The following PKD1L3 variants were observed in gnomAD, a reference collection of about 807,000 sequenced individuals.
The protein encoded by PKD1L3 is polycystin-1-like protein 3.
In PKD1L3, 239 loss-of-function variants were observed where a neutral mutation model predicts 184.1. That is an observed-to-expected ratio of 1.30 (90% CI 1.17 to 1.45). The LOEUF (loss-of-function observed/expected upper bound fraction) is 1.45. Ranked by LOEUF, PKD1L3 falls within the 40% of genes most tolerant of loss-of-function variation. The probability of loss-of-function intolerance (pLI) is 0.00; values close to 1 mark genes in which losing one functional copy is unlikely to be tolerated. For synonymous variants in PKD1L3, 996 were observed against 778.8 expected (o/e 1.28, Z -4.64); for missense variants, 2,660 against 2,067.2 (o/e 1.29, Z -5.56).
chr16:71,986,093 T>C, intron 5 of PKD1L3, 128 bp downstream of exon 5: 1 of 1,255,878 alleles, frequency 8.0e-7, no homozygotes, highest in Non-Finnish European at 1.1e-6. Flanking sequence ...TTAGTTTTTG[T>C]TTTGGATTGG....
At chr16:71,932,201 T>C (rs1272671192) in intron 28 of PKD1L3, among the ~76,000 whole-genome samples, 1 of 152,250 alleles carries the variant, frequency 6.6e-6, no homozygotes, top group Non-Finnish European at 1.5e-5. Flanking sequence ...TCTAGATCAT[T>C]AGAATGATCA....
In PKD1L3 at chr16:71,950,118, C is replaced by T; in HGVS notation, c.3383G>A (p.Arg1128Lys). 1.3e-6 allele frequency: 2 copies of T among 1,551,404 alleles called. No homozygotes were observed. The highest frequency in any genetic ancestry group is 1.7e-6 in the Non-Finnish European group (2 of 1,146,590). The change falls in exon 20 of 30, where the codon AGG becomes AAG. Residue 1128 changes from arginine (R) to lysine (K), a missense_variant and splice_region_variant. By Grantham distance (26) the Arg-to-Lys change is conservative. Coordinates refer to ENST00000620267, the MANE Select transcript of PKD1L3 (RefSeq NM_181536.2). ...AAGAAGGCTTGGTGTGGTGCATTAC[C>T]TGGATGGCTCTTGCTCCGTGGGAAG... ...HILPTEQEPS[R>K]EVTSFAILSS...
At chr16:71,934,188 A>C (rs12149307) in intron 26 of PKD1L3, 63 bp from the exon 27 acceptor site, 350,037 of 1,470,642 alleles carry the variant, frequency 0.24, 45,020 homozygotes, top group Middle Eastern at 0.29. Flanking sequence ...CAGTTTCCCC[A>C]GCGCCCCTGC....
At position 71,990,471 on chromosome 16, in the gene PKD1L3, G is replaced by C; in HGVS notation, c.536-142C>G. Reference sequence around the variant, plus strand: ...ACCAAGGCCGGACATGGTAGCTCATGTCTGTAATCCCAGCACTTTGGGAGG... The same window carrying C: ...ACCAAGGCCGGACATGGTAGCTCATCTCTGTAATCCCAGCACTTTGGGAGG... On this transcript the variant is annotated intron_variant, in intron 3 of 29. Coordinates refer to ENST00000620267, the MANE Select transcript of PKD1L3 (RefSeq NM_181536.2). The C allele has an allele frequency of 2.0e-5, 12 of 612,046 alleles. No individual in the cohort carries two copies. In the South Asian group the frequency reaches 2.3e-4, roughly 12 times the overall value. 37.9% of individuals were successfully genotyped at this position (612,046 alleles called of 1,614,324 possible).
chr16:71,954,680 C>G (rs1000694313), intron 16 of PKD1L3, among the ~76,000 whole-genome samples: 1 of 152,160 alleles, frequency 6.6e-6, no homozygotes, highest in Admixed American at 6.5e-5. Flanking sequence ...AGCACTTTCT[C>G]TACTCCAAAT....
rs1728341208 is a variant in PKD1L3, at chr16:71,937,396, G to C, written c.4348C>G (p.Leu1450Val). 1.3e-6 allele frequency: 2 copies of C among 1,551,692 alleles called. No homozygotes were observed. The highest frequency in any genetic ancestry group is 1.7e-6 in the Non-Finnish European group (2 of 1,146,998). The change falls in exon 25 of 30, where the codon CTG becomes GTG. Residue 1450 changes from leucine (L) to valine (V), a missense_variant. Physicochemically the swap from Leu to Val is conservative, Grantham distance 32 (BLOSUM62 1). Coordinates refer to ENST00000620267, the MANE Select transcript of PKD1L3 (RefSeq NM_181536.2). The part of the protein sequence containing the change: ...MRGAFFTSLR[L>V]ESFTSLQMSK... ...ATCTGAAGGGAAGTGAAGCTTTCCAGTCTCAAAGAGGTGAAGAAAGCACCT... is the reference window on the plus strand; with the variant it reads ...ATCTGAAGGGAAGTGAAGCTTTCCACTCTCAAAGAGGTGAAGAAAGCACCT...
Position 71,942,681 on chromosome 16 carries a change from T to TC in PKD1L3, c.4202dup (p.Leu1402ThrfsTer21), listed in dbSNP as rs1454394903. On this transcript the variant is annotated frameshift_variant, in exon 24 of 30. Coordinates refer to ENST00000620267, the MANE Select transcript of PKD1L3 (RefSeq NM_181536.2). LOFTEE classifies it high-confidence loss of function. The stretch of plus-strand genomic sequence containing the variant: ...TGTAACTGAACCTCCTTAGATGAAG[T>TC]CCAGGGAATAGGCTCTTGGGACGCC... 1 of 1,551,666 alleles carries TC rather than the reference T, an allele frequency of 6.4e-7. No individual in the cohort carries two copies. The highest frequency in any genetic ancestry group is 1.2e-5 in the South Asian group (1 of 84,054).
At chr16:71,934,515 C>T (rs952854465) in intron 26 of PKD1L3, among the ~76,000 whole-genome samples, 1 of 152,186 alleles carries the variant, frequency 6.6e-6, no homozygotes, top group Non-Finnish European at 1.5e-5. Context: ...GGTCTGTTTT[C>T]TGTGGCACAC....
At position 71,947,505 on chromosome 16, in the gene PKD1L3, G is replaced by T; in HGVS notation, c.3705C>A (p.Ile1235=). ...NKENEQQTKR[I]LALLAKCSSS... ...TACTTGAGTTACCCAAGAGTGCCAA[G>T]ATCCTCTTTGTTTGTTGTTCATTCT... Residue 1235 remains isoleucine, a synonymous_variant, in exon 22 of 30, where the codon ATC becomes ATA. Transcript: ENST00000620267. 6.6e-7 allele frequency: 1 copy of T among 1,522,758 alleles called. No individual in the cohort carries two copies. The highest frequency in any genetic ancestry group is 8.9e-7 in the Non-Finnish European group (1 of 1,129,226). 94.3% of individuals were successfully genotyped at this position (1,522,758 alleles called of 1,614,324 possible).
intron 24 of PKD1L3, among the ~76,000 whole-genome samples, chr16:71,939,057 G>A (rs1034288158): frequency 2.0e-5 from 3 of 152,218 alleles, no homozygotes; most frequent in African/African-American, 7.2e-5. Context: ...ACCCTCTTTG[G>A]GGCTCTGTGC....
At chr16:71,974,902 G>C (rs2039861532) in intron 11 of PKD1L3, among the ~76,000 whole-genome samples, 1 of 142,866 alleles carries the variant, frequency 7.0e-6, no homozygotes, top group Non-Finnish European at 1.5e-5. Flanking sequence ...CATGACGGGA[G>C]ACTGTAGCAT....
At chr16:71,945,408 T>G (rs62053802) in intron 22 of PKD1L3, among the ~76,000 whole-genome samples, 1 of 64,968 alleles carries the variant, frequency 1.5e-5, no homozygotes, top group East Asian at 1.7e-3. Context: ...ATTTATTTAT[T>G]TATTTATTTA....
intron 12 of PKD1L3, among the ~76,000 whole-genome samples, chr16:71,971,737 T>C (rs574372074): frequency 6.6e-6 from 1 of 152,294 alleles, no homozygotes; most frequent in East Asian, 1.9e-4. Context: ...ATTATAGATT[T>C]GCTTGATAGC....
At chr16:71,950,389 T>A in intron 19 of PKD1L3, 79 bp from the exon 20 acceptor site, 1 of 1,261,612 alleles carries the variant, frequency 7.9e-7, no homozygotes, top group South Asian at 1.5e-5. Flanking sequence ...TAACAATTCA[T>A]TGATGGATGA....
At chr16:71,969,772 A>C (rs537192369) in intron 13 of PKD1L3, 103 bp downstream of exon 13, 1 of 1,012,288 alleles carries the variant, frequency 9.9e-7, no homozygotes, top group Non-Finnish European at 1.4e-6. Context: ...TATGCCTCCC[A>C]GTACCAGGCT....
At chr16:71,963,446 G>A in intron 15 of PKD1L3, 95 bp from the exon 16 acceptor site, 1 of 1,262,746 alleles carries the variant, frequency 7.9e-7, no homozygotes, top group East Asian at 2.7e-5. Flanking sequence ...AACTGTCCAA[G>A]TAAATGAACT....
chr16:71,991,068 A>G (rs1377550545), intron 3 of PKD1L3: 2 of 153,470 alleles, frequency 1.3e-5, no homozygotes, highest in Admixed American at 6.5e-5. Context: ...TTCAGCTTGA[A>G]AAGGTAAGAT....
chr16:71,976,410 C>T (rs1368508728), intron 11 of PKD1L3, among the ~76,000 whole-genome samples: 3 of 151,522 alleles, frequency 2.0e-5, no homozygotes, highest in Non-Finnish European at 2.9e-5. Flanking sequence ...TGCCCGCCAC[C>T]ACACCCATCT....
intron 13 of PKD1L3, among the ~76,000 whole-genome samples, chr16:71,968,420 T>C: frequency 6.6e-6 from 1 of 152,146 alleles, no homozygotes; most frequent in South Asian, 2.1e-4. Context: ...GTAGCCTGTA[T>C]TTTTGTTTAC....
Sources: allele counts gnomAD v4.1 joint callset (sites outside exome capture counted in the v4.1 genomes callset), GRCh38; gene constraint gnomAD v4.1.1; transcripts MANE v1.5; gene names NCBI Gene and HGNC (gene_info 2026-07-23, HGNC 2026-07-21).